Variants in TIAM1 observed in about 807,000 individuals in gnomAD.
The protein encoded by TIAM1 is TIAM Rac1 associated GEF 1.
Under a neutral mutation model 163.5 loss-of-function variants are expected in TIAM1, and 65 were observed. The observed-to-expected ratio is 0.40, with a 90% CI of 0.33 to 0.49. The LOEUF (loss-of-function observed/expected upper bound fraction) is 0.49, where lower values mean the gene tolerates loss of function less well. TIAM1 is among the 20% of genes least tolerant of loss of function. The pLI, the probability that TIAM1 is intolerant of heterozygous loss-of-function variation, is 0.77. For synonymous variants in TIAM1, 833 were observed against 810.1 expected (o/e 1.03, Z -0.48); for missense variants, 1,789 against 2,044.7 (o/e 0.87, Z 2.41).
chr21:31,335,215 C>A (rs1270465568), intron 2 of TIAM1, among the ~76,000 whole-genome samples: 2 of 152,080 alleles, frequency 1.3e-5, no homozygotes, highest in African/African-American at 2.4e-5. Context: ...TTCAAAGAAC[C>A]AGCCTGATAC....
At chr21:31,152,816 T>C in intron 18 of TIAM1, 55 bp from the exon 19 acceptor site, 1 of 1,586,184 alleles carries the variant, frequency 6.3e-7, no homozygotes, top group Non-Finnish European at 8.6e-7. Context: ...TTCCTAAACG[T>C]TATTTATATC....
In TIAM1 at chr21:31,217,677, G is replaced by T; in HGVS notation, c.2018C>A (p.Thr673Asn). Residue 673 changes from threonine to asparagine, a missense_variant, in exon 9 of 28, where the codon ACT becomes AAT. By Grantham distance (65) the Thr-to-Asn change is moderately conservative. Transcript: ENST00000541036. ...HALVAARTGE[T>N]GVRRRTQAMS... ...GGCCTGAGTACGTCTTCTCACTCCA[G>T]TTTCACCAGTGCGTGCTGCCACCTG... 1 of 1,613,676 alleles carries T rather than the reference G, an allele frequency of 6.2e-7. No homozygotes were observed. Among genetic ancestry groups the T allele is most frequent in the Non-Finnish European group, 8.5e-7 (1 of 1,179,780 alleles).
chr21:31,209,089 C>A (rs534798376), intron 11 of TIAM1, among the ~76,000 whole-genome samples: 2 of 152,214 alleles, frequency 1.3e-5, no homozygotes, highest in South Asian at 4.2e-4. Flanking sequence ...CTCGGCACTG[C>A]AGGATGCACC....
At chr21:31,394,249 C>G (rs1047933970) in intron 2 of TIAM1, among the ~76,000 whole-genome samples, 3 of 152,158 alleles carry the variant, frequency 2.0e-5, no homozygotes, top group Admixed American at 1.3e-4. Context: ...AGAAGCCCAT[C>G]TGAAAAAGCT....
chr21:31,486,535 A>T (rs2046278240), intron 1 of TIAM1, among the ~76,000 whole-genome samples: 1 of 152,256 alleles, frequency 6.6e-6, no homozygotes, highest in Non-Finnish European at 1.5e-5. Context: ...GACAAATATT[A>T]TGTGCCCTGA....
chr21:31,545,102 T>C (rs2048446332), intron 1 of TIAM1, among the ~76,000 whole-genome samples: 1 of 152,140 alleles, frequency 6.6e-6, no homozygotes, highest in Non-Finnish European at 1.5e-5. Flanking sequence ...ATAATCAAGT[T>C]AAGAAGAGGT....
At chr21:31,372,688 T>C (rs1569274470) in intron 2 of TIAM1, among the ~76,000 whole-genome samples, 1 of 152,088 alleles carries the variant, frequency 6.6e-6, no homozygotes, top group Non-Finnish European at 1.5e-5. Flanking sequence ...GATACAAAAC[T>C]GGCTGGGTAG....
intron 2 of TIAM1, among the ~76,000 whole-genome samples, chr21:31,433,769 A>G (rs1363202216): frequency 2.0e-5 from 3 of 152,164 alleles, no homozygotes; most frequent in Non-Finnish European, 4.4e-5. Flanking sequence ...ATGTGAATTT[A>G]CCACATAACT....
intron 1 of TIAM1, among the ~76,000 whole-genome samples, chr21:31,480,606 C>T (rs1192110332): frequency 6.6e-6 from 1 of 152,176 alleles, no homozygotes; most frequent in Non-Finnish European, 1.5e-5. Flanking sequence ...CCAGCCCTGA[C>T]CTTGGCAGTG....
chr21:31,121,599 A>G (rs1175003794), intron 27 of TIAM1, among the ~76,000 whole-genome samples: 1 of 152,134 alleles, frequency 6.6e-6, no homozygotes, highest in Non-Finnish European at 1.5e-5. Context: ...TCCCCCAATT[A>G]CAGTCTGTGT....
At chr21:31,182,939 T>G (rs147570613) in intron 14 of TIAM1, among the ~76,000 whole-genome samples, 36 of 152,336 alleles carry the variant, frequency 2.4e-4, no homozygotes, top group African/African-American at 6.0e-4. Context: ...TCACAAATGC[T>G]AATTAATTCC....
Position 31,152,775 on chromosome 21 carries a change from A to G in TIAM1, c.3241-14T>C. The G allele has an allele frequency of 6.2e-7, 1 of 1,613,550 alleles. No homozygotes were observed. Among genetic ancestry groups the G allele is most frequent in the Non-Finnish European group, 8.5e-7 (1 of 1,179,802 alleles). On this transcript the variant is annotated splice_polypyrimidine_tract_variant and intron_variant, in intron 18 of 27. Transcript: ENST00000541036. ...AAGCACGTCAAGCTAGAAATAAAAC[A>G]GAATTTAATGCACCTCATATCTCAT...
At chr21:31,174,387 C>A (rs1490345093) in intron 15 of TIAM1, among the ~76,000 whole-genome samples, 1 of 152,204 alleles carries the variant, frequency 6.6e-6, no homozygotes, top group Admixed American at 6.5e-5. Flanking sequence ...GCTTAATCTA[C>A]TTCCTGCAGG....
intron 2 of TIAM1, among the ~76,000 whole-genome samples, chr21:31,394,496 A>G (rs2077018424): frequency 6.6e-6 from 1 of 152,108 alleles, no homozygotes; most frequent in Admixed American, 6.6e-5. Flanking sequence ...GGTGTAAACT[A>G]TGAACTCTGG....
chr21:31,251,115 T>C (rs1318491045), intron 5 of TIAM1, among the ~76,000 whole-genome samples: 4 of 152,184 alleles, frequency 2.6e-5, no homozygotes, highest in Admixed American at 1.3e-4. Context: ...CCCTCCAAAA[T>C]AGTCACTTTG....
intron 15 of TIAM1, among the ~76,000 whole-genome samples, chr21:31,173,701 T>C (rs531995699): frequency 1.2e-4 from 19 of 152,338 alleles, no homozygotes; most frequent in African/African-American, 4.6e-4. Flanking sequence ...TTTAAAATAG[T>C]AACTTCTTTT....
chr21:31,387,432 C>G (rs2284506), intron 2 of TIAM1, among the ~76,000 whole-genome samples: 18,745 of 151,492 alleles, frequency 0.12, 1,340 homozygotes, highest in Admixed American at 0.22. Context: ...AGGCTGGTCT[C>G]GAACTCCTGA....
At chr21:31,451,068 A>G (rs1235764219) in intron 2 of TIAM1, among the ~76,000 whole-genome samples, 2 of 147,114 alleles carry the variant, frequency 1.4e-5, no homozygotes, top group Non-Finnish European at 3.0e-5. Flanking sequence ...TCTCAGAGGA[A>G]AAAAAAAAAA....
chr21:31,533,138 T>C (rs1446096568), intron 1 of TIAM1, among the ~76,000 whole-genome samples: 1 of 152,064 alleles, frequency 6.6e-6, no homozygotes, highest in Non-Finnish European at 1.5e-5. Context: ...CTGGCCAACA[T>C]GGTGAAACCC....
Sources: allele counts gnomAD v4.1 joint callset (sites outside exome capture counted in the v4.1 genomes callset), GRCh38; gene constraint gnomAD v4.1.1; transcripts MANE v1.5; gene names NCBI Gene and HGNC (gene_info 2026-07-23, HGNC 2026-07-21).